Variants in ADIPOR2 observed in about 807,000 individuals in gnomAD.
The protein encoded by ADIPOR2 is adiponectin receptor 2, also known as adiponectin receptor protein 2.
A neutral mutation model predicts 40.9 loss-of-function variants in ADIPOR2; 18 were observed. The observed-to-expected ratio is 0.44, with a 90% CI of 0.30 to 0.65. ADIPOR2 has a LOEUF of 0.65. Among genes scored for constraint, ADIPOR2 ranks in the 30% least tolerant of loss-of-function variants. The probability of loss-of-function intolerance (pLI) is 0.09; values close to 1 mark genes in which losing one functional copy is unlikely to be tolerated. For missense variants in ADIPOR2, 283 were observed against 479.2 expected, an observed-to-expected ratio of 0.59 and a Z score of 3.82; for synonymous variants, 165 against 166.4, an observed-to-expected ratio of 0.99 and a Z score of 0.06.
At chr12:1,705,515 A>G (rs2094660436) in intron 1 of ADIPOR2, among the ~76,000 whole-genome samples, 1 of 152,196 alleles carries the variant, frequency 6.6e-6, no homozygotes, top group Non-Finnish European at 1.5e-5. Flanking sequence ...CAATTACAAA[A>G]CATTGTATAA....
intron 1 of ADIPOR2, among the ~76,000 whole-genome samples, chr12:1,699,724 A>T (rs1300862128): frequency 1.3e-5 from 2 of 152,250 alleles, no homozygotes; most frequent in Non-Finnish European, 2.9e-5. Context: ...CAACTCTAAG[A>T]TAAGTTAAAT....
intron 2 of ADIPOR2, among the ~76,000 whole-genome samples, chr12:1,755,081 CTT>C (rs1233884339): frequency 8.7e-6 from 1 of 114,746 alleles, no homozygotes; most frequent in African/African-American, 2.6e-5. Context: ...TCTGCTGACT[CTT>C]TTTTTTTTAA....
Position 1,787,476 on chromosome 12 carries a change from T to C in ADIPOR2, c.*1404T>C, listed in dbSNP as rs888299327. The C allele has an allele frequency of 6.6e-6, 1 of 152,240 alleles. No homozygotes were observed. Among genetic ancestry groups the C allele is most frequent in the Non-Finnish European group, 1.5e-5 (1 of 68,046 alleles). 9.4% of individuals were successfully genotyped at this position (152,240 alleles called of 1,614,324 possible). On this transcript the variant is annotated 3_prime_UTR_variant, in exon 8 of 8. Coordinates refer to ENST00000357103, the MANE Select transcript of ADIPOR2 (RefSeq NM_024551.3). ...GCATTTTAAATACAATGGTATGTTA[T>C]TGCCAGGGAGTGAGGTACAAGACGA...
intron 1 of ADIPOR2, among the ~76,000 whole-genome samples, chr12:1,707,997 A>G (rs1478873434): frequency 3.9e-5 from 6 of 152,250 alleles, no homozygotes; most frequent in Non-Finnish European, 7.3e-5. Context: ...TGAGGGTTCC[A>G]CATCCACAGA....
At chr12:1,707,079 T>C (rs1377450416) in intron 1 of ADIPOR2, among the ~76,000 whole-genome samples, 5 of 152,224 alleles carry the variant, frequency 3.3e-5, no homozygotes, top group Non-Finnish European at 7.3e-5. Flanking sequence ...TTGAGAGTCC[T>C]CCATGTTGCT....
intron 1 of ADIPOR2, among the ~76,000 whole-genome samples, chr12:1,732,093 T>TG (rs1277085753): frequency 6.6e-6 from 1 of 152,232 alleles, no homozygotes; most frequent in Admixed American, 6.5e-5. Context: ...ACCCGCTGCT[T>TG]GGTACCACCA....
chr12:1,754,686 TTTATTA>T (rs139616464), intron 2 of ADIPOR2, among the ~76,000 whole-genome samples, 172 bp downstream of exon 2: 3,756 of 109,996 alleles, frequency 0.034, 84 homozygotes, highest in East Asian at 0.13. Context: ...GTCTCTTATC[TTTATTA>T]TTATTATTAC....
In ADIPOR2 at chr12:1,786,855, T is replaced by A. The variant is rs959851609; in HGVS notation, c.*783T>A. 14 of 152,228 alleles carry A rather than the reference T, an allele frequency of 9.2e-5. No individual in the cohort carries two copies. The highest frequency in any genetic ancestry group is 3.4e-4 in the African/African-American group (14 of 41,410). The allele number at this position is 152,228 out of a possible 1,614,324, so 9.4% of individuals were successfully genotyped here. ...AGGTAGAGGGGAGTGGTATGTGTTT[T>A]CTCAGTGGAAGCAGCACATGAGTGG... is the stretch of plus-strand genomic sequence containing the variant. On this transcript the variant is annotated 3_prime_UTR_variant, in exon 8 of 8. Coordinates refer to ENST00000357103, the MANE Select transcript of ADIPOR2 (RefSeq NM_024551.3).
intron 1 of ADIPOR2, among the ~76,000 whole-genome samples, chr12:1,753,273 T>C (rs531037426): frequency 1.7e-4 from 26 of 152,334 alleles, no homozygotes; most frequent in Non-Finnish European, 3.4e-4. Flanking sequence ...ATAATCCTTA[T>C]TGGATATTCA....
intron 1 of ADIPOR2, among the ~76,000 whole-genome samples, chr12:1,715,313 A>G (rs751667806): frequency 2.0e-5 from 3 of 152,062 alleles, no homozygotes; most frequent in African/African-American, 4.8e-5. Flanking sequence ...TCAGGTGGCC[A>G]TTTTTGACCA....
At position 1,777,896 on chromosome 12, in the gene ADIPOR2, C is replaced by T; in HGVS notation, c.334C>T (p.Pro112Ser). Residue 112 changes from proline (P) to serine (S), a missense_variant, in exon 4 of 8, where the codon CCA (proline) becomes TCA (serine). By Grantham distance (74) the Pro-to-Ser change is moderately conservative. Coordinates refer to ENST00000357103, the MANE Select transcript of ADIPOR2 (RefSeq NM_024551.3). ...GCGAGTGATCCCTCATGATGTACTA[C>T]CAGACTGGCTCAAGGATAATGACTT... ...RWRVIPHDVL[P>S]DWLKDNDFLL... The T allele has an allele frequency of 6.2e-7, 1 of 1,613,992 alleles. No individual in the cohort carries two copies. Among genetic ancestry groups the T allele is most frequent in the Non-Finnish European group, 8.5e-7 (1 of 1,179,960 alleles).
intron 3 of ADIPOR2, 101 bp downstream of exon 3, chr12:1,773,062 T>TG: frequency 1.4e-6 from 2 of 1,393,154 alleles, no homozygotes; most frequent in Non-Finnish European, 1.9e-6. Flanking sequence ...TGGTTTGCTT[T>TG]GGGGAAGATC....
chr12:1,737,618 T>C (rs2094733647), intron 1 of ADIPOR2, among the ~76,000 whole-genome samples: 1 of 152,224 alleles, frequency 6.6e-6, no homozygotes, highest in South Asian at 2.1e-4. Context: ...AGTCTCACTC[T>C]GTCACCCAGG....
intron 2 of ADIPOR2, chr12:1,757,252 C>T (rs968318122): frequency 4.4e-5 from 25 of 572,396 alleles, no homozygotes; most frequent in Non-Finnish European, 6.4e-5. Context: ...TCTGTTTGGT[C>T]GCCAGTCTTT....
intron 1 of ADIPOR2, among the ~76,000 whole-genome samples, chr12:1,740,174 CT>C (rs2094739592): frequency 1.3e-5 from 2 of 152,192 alleles, no homozygotes; most frequent in African/African-American, 2.4e-5. Context: ...GAATGGTAAA[CT>C]TTTAGATGTA....
chr12:1,748,288 G>C (rs12372053), intron 1 of ADIPOR2, among the ~76,000 whole-genome samples: 1 of 151,634 alleles, frequency 6.6e-6, no homozygotes, highest in Non-Finnish European at 1.5e-5. Context: ...TCTCTCTGTC[G>C]CCCAGGCTGG....
At chr12:1,716,562 T>G (rs1372360878) in intron 1 of ADIPOR2, among the ~76,000 whole-genome samples, 1 of 152,246 alleles carries the variant, frequency 6.6e-6, no homozygotes, top group Admixed American at 6.5e-5. Flanking sequence ...AAAACTGCAT[T>G]GCAGAAAGCA....
intron 4 of ADIPOR2, among the ~76,000 whole-genome samples, chr12:1,779,130 C>T (rs1401419438): frequency 6.6e-6 from 1 of 152,138 alleles, no homozygotes; most frequent in Non-Finnish European, 1.5e-5. Context: ...CTGGCAGTTC[C>T]TCAAAAAGTT....
chr12:1,692,496 T>G (rs143143251), intron 1 of ADIPOR2, among the ~76,000 whole-genome samples: 70 of 152,360 alleles, frequency 4.6e-4, no homozygotes, highest in African/African-American at 1.6e-3. Flanking sequence ...AAATTAAATG[T>G]GAAAGGCATA....
Sources: allele counts gnomAD v4.1 joint callset (sites outside exome capture counted in the v4.1 genomes callset), GRCh38; gene constraint gnomAD v4.1.1; transcripts MANE v1.5; gene names NCBI Gene and HGNC (gene_info 2026-07-23, HGNC 2026-07-21).